Variants in LOC112694756 observed in about 807,000 individuals in gnomAD.
the LOC112694756 span, chr16:30,069,398 C>A: frequency 6.2e-7 from 1 of 1,614,154 alleles, no homozygotes; most frequent in South Asian, 1.1e-5. Flanking sequence ...AGGTAAATGG[C>A]TACCTGCCTG....
chr16:30,069,072 A>G, the LOC112694756 span: 77 of 1,573,412 alleles, frequency 4.9e-5, no homozygotes, highest in Non-Finnish European at 6.4e-5. Context: ...CTACCTCCCC[A>G]AAAGCAAGCA....
chr16:30,064,311 A>G, the LOC112694756 span: 1 of 396,010 alleles, frequency 2.5e-6, no homozygotes, highest in Admixed American at 4.4e-5. Flanking sequence ...GAGAATCAGA[A>G]CAGCCACCAT....
the LOC112694756 span, among the ~76,000 whole-genome samples, chr16:30,063,424 C>T: frequency 6.6e-6 from 1 of 152,124 alleles, no homozygotes; most frequent in Admixed American, 6.5e-5. Context: ...CACCGGGAGG[C>T]CCAAATTCTA....
At chr16:30,054,614 A>AG in the LOC112694756 span, 2 of 393,440 alleles carry the variant, frequency 5.1e-6, no homozygotes, top group Non-Finnish European at 9.0e-6. Flanking sequence ...ATAGGGAAAA[A>AG]GGCAGGCTCA....
chr16:30,065,937 C>G, the LOC112694756 span: 4 of 153,006 alleles, frequency 2.6e-5, no homozygotes, highest in Non-Finnish European at 5.9e-5. Context: ...GGTGAGCGCC[C>G]CTCTTCACGT....
the LOC112694756 span, among the ~76,000 whole-genome samples, chr16:30,058,238 G>C: frequency 2.0e-5 from 3 of 152,190 alleles, no homozygotes; most frequent in Non-Finnish European, 2.9e-5. Flanking sequence ...GGACAGGGCA[G>C]GTTCTTTCTG....
At chr16:30,058,030 C>A in the LOC112694756 span, among the ~76,000 whole-genome samples, 1 of 152,134 alleles carries the variant, frequency 6.6e-6, no homozygotes, top group African/African-American at 2.4e-5. Flanking sequence ...CGCCCCCTAC[C>A]CCTTCTGTCT....
At chr16:30,068,547 G>T in the LOC112694756 span, 1 of 1,369,958 alleles carries the variant, frequency 7.3e-7, no homozygotes, top group East Asian at 2.3e-5. Flanking sequence ...AGGCTTCAGT[G>T]AGCTGAGATT....
the LOC112694756 span, chr16:30,055,052 G>A: frequency 2.5e-6 from 1 of 398,776 alleles, no homozygotes; most frequent in Non-Finnish European, 4.4e-6. Context: ...TATCCGTTTT[G>A]TGGTACCAGG....
the LOC112694756 span, chr16:30,059,091 C>A: frequency 2.5e-6 from 1 of 398,306 alleles, no homozygotes; most frequent in South Asian, 1.3e-4. Flanking sequence ...ATCTAGGCCC[C>A]ACACTGAGGT....
the LOC112694756 span, among the ~76,000 whole-genome samples, chr16:30,063,158 T>A: frequency 6.6e-6 from 1 of 151,758 alleles, no homozygotes; most frequent in South Asian, 2.1e-4. Context: ...AAAAAAAAAT[T>A]AAAAATAGGT....
At chr16:30,069,759 A>G in the LOC112694756 span, 26 of 1,611,820 alleles carry the variant, frequency 1.6e-5, no homozygotes, top group Non-Finnish European at 2.0e-5. Flanking sequence ...TTCCATGGCA[A>G]CTTCCACCAG....
At chr16:30,069,176 G>A in the LOC112694756 span, 3 of 1,347,210 alleles carry the variant, frequency 2.2e-6, no homozygotes, top group South Asian at 2.4e-5. Context: ...CTTGTCTCCT[G>A]TAATCTGAGG....
the LOC112694756 span, chr16:30,058,816 CTCATTCAT>C: frequency 1.3e-5 from 5 of 389,028 alleles, no homozygotes; most frequent in African/African-American, 6.2e-5. Flanking sequence ...TTGCAAGGTT[CTCATTCAT>C]TCATTCATTC....
the LOC112694756 span, among the ~76,000 whole-genome samples, chr16:30,065,214 C>T: frequency 2.0e-5 from 3 of 152,230 alleles, no homozygotes. Context: ...GATGCCCTTT[C>T]CTCCGCCTCC....
chr16:30,069,435 C>A, the LOC112694756 span: 3 of 1,613,878 alleles, frequency 1.9e-6, no homozygotes, highest in African/African-American at 1.3e-5. Context: ...TGGCCGGGGA[C>A]CCTGGGGCTA....
chr16:30,056,665 A>T, the LOC112694756 span, among the ~76,000 whole-genome samples: 1 of 152,000 alleles, frequency 6.6e-6, no homozygotes, highest in Admixed American at 6.6e-5. Flanking sequence ...TGGTGGTGCA[A>T]TCATAGCTCA....
chr16:30,068,207 G>T, the LOC112694756 span: 1 of 319,706 alleles, frequency 3.1e-6, no homozygotes, highest in East Asian at 8.4e-5. Context: ...TGGGACTACA[G>T]GCGCCCGCCA....
At chr16:30,066,890 G>C in the LOC112694756 span, 1 of 1,548,782 alleles carries the variant, frequency 6.5e-7, no homozygotes, top group Non-Finnish European at 8.7e-7. Context: ...TTCAGGCAAG[G>C]TGACCCCATG....
Sources: allele counts gnomAD v4.1 joint callset (sites outside exome capture counted in the v4.1 genomes callset), GRCh38; gene constraint gnomAD v4.1.1; transcripts MANE v1.5.